The following FOXP1 variants were observed in gnomAD, a reference collection of about 807,000 sequenced individuals.
FOXP1 encodes forkhead box protein P1.
In FOXP1, 15 loss-of-function variants were observed where a neutral mutation model predicts 98.2. The ratio of observed to expected loss-of-function variants is 0.15; its 90% CI spans 0.10 to 0.24. FOXP1 has a LOEUF of 0.24. Ranked by LOEUF, FOXP1 falls within the 10% of genes least tolerant of loss-of-function variation. The probability of loss-of-function intolerance (pLI) is 1.00; values close to 1 mark genes in which losing one functional copy is unlikely to be tolerated. For missense variants in FOXP1, 633 were observed against 848.5 expected, an observed-to-expected ratio of 0.75 and a Z score of 3.15; for synonymous variants, 371 against 314.5, an observed-to-expected ratio of 1.18 and a Z score of -1.90.
At chr3:71,283,276 C>CA (rs1472738900) in intron 5 of FOXP1, among the ~76,000 whole-genome samples, 1 of 152,198 alleles carries the variant, frequency 6.6e-6, no homozygotes, top group African/African-American at 2.4e-5. Context: ...CCAGTGCCCC[C>CA]AGTGTACTCC....
At chr3:71,345,767 T>C (rs1286334177) in intron 4 of FOXP1, among the ~76,000 whole-genome samples, 2 of 149,588 alleles carry the variant, frequency 1.3e-5, no homozygotes, top group African/African-American at 2.5e-5. Flanking sequence ...AGAAATTCAG[T>C]GCAGATGGGG....
chr3:71,445,724 G>C (rs2086352292), intron 3 of FOXP1, among the ~76,000 whole-genome samples: 1 of 133,546 alleles, frequency 7.5e-6, no homozygotes, highest in Non-Finnish European at 1.6e-5. Flanking sequence ...TTTCACTCTT[G>C]TTGCCCAGGC....
chr3:71,177,929 C>A (rs1427613395), intron 6 of FOXP1, among the ~76,000 whole-genome samples: 1 of 144,516 alleles, frequency 6.9e-6, no homozygotes, highest in Non-Finnish European at 1.5e-5. Flanking sequence ...GCAGCCTTGA[C>A]CTCCCAGGCT....
intron 6 of FOXP1, among the ~76,000 whole-genome samples, chr3:71,152,256 T>G (rs547701607): frequency 9.9e-4 from 150 of 152,210 alleles, no homozygotes; most frequent in African/African-American, 3.3e-3. Context: ...TGAATTGAAT[T>G]CCACCAACAG....
chr3:71,529,512 G>A (rs770200401), intron 2 of FOXP1, among the ~76,000 whole-genome samples: 1 of 152,226 alleles, frequency 6.6e-6, no homozygotes, highest in Non-Finnish European at 1.5e-5. Flanking sequence ...GGGGGAGCCA[G>A]TTGCCAGGGA....
At chr3:71,225,385 A>G (rs1467110389) in intron 5 of FOXP1, among the ~76,000 whole-genome samples, 1 of 152,246 alleles carries the variant, frequency 6.6e-6, no homozygotes, top group East Asian at 1.9e-4. Context: ...AAGAGAATTA[A>G]TACTTTCTTC....
chr3:71,071,955 A>G (rs1159956719), intron 7 of FOXP1, among the ~76,000 whole-genome samples: 1 of 152,182 alleles, frequency 6.6e-6, no homozygotes, highest in Non-Finnish European at 1.5e-5. Flanking sequence ...TCATGTACCA[A>G]GTGCACATTT....
chr3:70,997,098 G>A (rs1488698780), intron 13 of FOXP1, among the ~76,000 whole-genome samples: 1 of 152,170 alleles, frequency 6.6e-6, no homozygotes, highest in East Asian at 1.9e-4. Flanking sequence ...ATAGGCTTTG[G>A]GTCAGTAATG....
chr3:71,563,777 C>G (rs1206029645), intron 2 of FOXP1, among the ~76,000 whole-genome samples: 1 of 152,152 alleles, frequency 6.6e-6, no homozygotes, highest in Non-Finnish European at 1.5e-5. Flanking sequence ...ACAATGTGAC[C>G]AAATGACAAC....
intron 4 of FOXP1, among the ~76,000 whole-genome samples, chr3:71,317,986 C>A (rs557659246): frequency 1.3e-5 from 2 of 151,510 alleles, no homozygotes; most frequent in African/African-American, 4.8e-5. Flanking sequence ...ACAGATACGG[C>A]GTGGCTTTAG....
intron 7 of FOXP1, among the ~76,000 whole-genome samples, chr3:71,097,863 G>A (rs1318075065): frequency 2.6e-5 from 4 of 152,088 alleles, no homozygotes; most frequent in East Asian, 1.9e-4. Flanking sequence ...TCCAAGCACC[G>A]AGCATCTTTG....
At chr3:71,053,594 G>T in intron 8 of FOXP1, 42 bp downstream of exon 8, 13 of 1,613,106 alleles carry the variant, frequency 8.1e-6, no homozygotes, top group Non-Finnish European at 1.0e-5. Context: ...GGGCCCCTGG[G>T]TTCTGGGGGA....
intron 3 of FOXP1, among the ~76,000 whole-genome samples, chr3:71,374,600 A>AAT (rs1553862709): frequency 1.1e-4 from 15 of 141,496 alleles, no homozygotes; most frequent in African/African-American, 3.7e-4. Flanking sequence ...GTCTCAAAAA[A>AAT]AAAAATAAAA....
intron 6 of FOXP1, among the ~76,000 whole-genome samples, chr3:71,188,559 A>G (rs2062785581): frequency 1.3e-5 from 2 of 152,068 alleles, no homozygotes. Context: ...CTGGGATCAC[A>G]GGTGGATGCC....
At chr3:70,968,393 G>A (rs1034307516) in intron 19 of FOXP1, 5 of 131,930 alleles carry the variant, frequency 3.8e-5, no homozygotes, top group African/African-American at 8.7e-5. Flanking sequence ...GGTAGTTGAT[G>A]TCCACTTAGA....
chr3:71,567,004 T>A (rs762520537), intron 2 of FOXP1, among the ~76,000 whole-genome samples: 3 of 152,064 alleles, frequency 2.0e-5, no homozygotes, highest in Non-Finnish European at 4.4e-5. Flanking sequence ...ACAAAACTGC[T>A]GCATACCATT....
In FOXP1 at chr3:71,440,858, C is replaced by G. The variant is rs372440900; in HGVS notation, c.-168+52568G>C. On this transcript the variant is annotated intron_variant, in intron 3 of 20. Coordinates refer to ENST00000649528, the MANE Select transcript of FOXP1 (RefSeq NM_001349338.3). Reference sequence around the variant, plus strand: ...TCAGCCTGGGTGACACAGTGAGACCCTGTCTCAAAAATAAAATAAAACAAA... The same window carrying G: ...TCAGCCTGGGTGACACAGTGAGACCGTGTCTCAAAAATAAAATAAAACAAA... Among the ~76,000 whole-genome samples the G allele has an allele frequency of 7.9e-5, 12 of 152,202 alleles. No homozygotes were observed. In the South Asian group the frequency reaches 2.5e-3, roughly 32 times the overall value.
chr3:70,977,752 TCA>T (rs1400315049), intron 15 of FOXP1, 30 bp from the exon 16 acceptor site: 1 of 1,612,650 alleles, frequency 6.2e-7, no homozygotes, highest in East Asian at 2.2e-5. Context: ...CTATTAATTA[TCA>T]CTTTTTCAAA....
At chr3:71,242,659 G>A (rs1027111514) in intron 5 of FOXP1, among the ~76,000 whole-genome samples, 1 of 151,740 alleles carries the variant, frequency 6.6e-6, no homozygotes, top group East Asian at 1.9e-4. Context: ...GCCTAAGATT[G>A]TCCCATTTCT....
Sources: gnomAD v4.1 joint callset for allele counts (sites outside exome capture counted in the v4.1 genomes callset) on GRCh38, gnomAD v4.1.1 for gene constraint, MANE v1.5 for transcripts, NCBI Gene and HGNC (gene_info 2026-07-23, HGNC 2026-07-21) for gene names.